The following DMD variants were observed in gnomAD, a reference collection of about 807,000 sequenced individuals.
DMD encodes mutant dystrophin.
Under a neutral mutation model 330.1 loss-of-function variants are expected in DMD, and 63 were observed. The ratio of observed to expected loss-of-function variants is 0.19; its 90% CI spans 0.16 to 0.24. The LOEUF (loss-of-function observed/expected upper bound fraction) is 0.24, where lower values mean the gene tolerates loss of function less well. DMD is among the 10% of genes least tolerant of loss of function. DMD has a pLI of 1.00. For synonymous variants in DMD, 1,223 were observed against 959.8 expected, an observed-to-expected ratio of 1.27 and a Z score of -5.07; for missense variants, 3,344 against 2,684.1, an observed-to-expected ratio of 1.25 and a Z score of -5.43.
intron 1 of DMD, among the ~76,000 whole-genome samples, chrX:33,167,588 G>A (rs1337631889): frequency 9.0e-6 from 1 of 110,823 alleles, no homozygotes; most frequent in Non-Finnish European, 1.9e-5. Context: ...AGAAGAACAA[G>A]TATATAATGA....
At chrX:31,479,345 C>T (rs1343045655) in intron 57 of DMD, among the ~76,000 whole-genome samples, 2 of 111,746 alleles carry the variant, frequency 1.8e-5, no homozygotes, top group African/African-American at 6.5e-5. Context: ...ATAGTTAATG[C>T]CCTCTCATTG....
chrX:32,361,813 T>C (rs915850656), intron 37 of DMD, among the ~76,000 whole-genome samples: 6 of 111,577 alleles, frequency 5.4e-5, no homozygotes, highest in Middle Eastern at 4.7e-3. Context: ...TTCTCATAAA[T>C]ACTCCAATGT....
chrX:32,282,560 G>A (rs1264514245), intron 43 of DMD, among the ~76,000 whole-genome samples: 1 of 112,049 alleles, frequency 8.9e-6, no homozygotes, highest in Non-Finnish European at 1.9e-5. Flanking sequence ...CTTTGATGAT[G>A]TGTAACTTGT....
At chrX:32,613,643 T>G (rs1340297490) in intron 12 of DMD, among the ~76,000 whole-genome samples, 1 of 110,867 alleles carries the variant, frequency 9.0e-6, no homozygotes. Flanking sequence ...AATCGTAGCC[T>G]TATTATTTAA....
intron 51 of DMD, among the ~76,000 whole-genome samples, chrX:31,749,477 C>T (rs1221098244): frequency 9.5e-6 from 1 of 105,625 alleles, no homozygotes; most frequent in African/African-American, 3.4e-5. Flanking sequence ...ATGAACTCAT[C>T]CTTTTTTATG....
At chrX:31,139,297 C>G (rs911306858) in intron 76 of DMD, among the ~76,000 whole-genome samples, 2 of 111,445 alleles carry the variant, frequency 1.8e-5, no homozygotes, top group Non-Finnish European at 3.8e-5. Flanking sequence ...ACCATTTGAT[C>G]CAGCAGTCCC....
At chrX:33,048,740 C>G (rs1321365184) in intron 1 of DMD, among the ~76,000 whole-genome samples, 1 of 85,420 alleles carries the variant, frequency 1.2e-5, no homozygotes, top group Non-Finnish European at 2.3e-5. Context: ...GAAAGGAAAA[C>G]TTGAAAAATG....
intron 2 of DMD, among the ~76,000 whole-genome samples, chrX:32,986,443 T>C (rs2092846805): frequency 8.9e-6 from 1 of 112,233 alleles, no homozygotes; most frequent in African/African-American, 3.2e-5. Flanking sequence ...AAAAAAATTA[T>C]GTCATCATTT....
intron 4 of DMD, among the ~76,000 whole-genome samples, chrX:32,839,709 T>C (rs1055869455): frequency 2.0e-5 from 2 of 99,879 alleles, no homozygotes; most frequent in African/African-American, 7.7e-5. Context: ...TATGACAAAA[T>C]GGAGAATTAT....
chrX:31,252,622 T>C (rs1320295847), intron 63 of DMD, among the ~76,000 whole-genome samples: 1 of 112,428 alleles, frequency 8.9e-6, no homozygotes, highest in Non-Finnish European at 1.9e-5. Context: ...CCAGGTCATA[T>C]GCCACCTACT....
intron 56 of DMD, among the ~76,000 whole-genome samples, 189 bp downstream of exon 56, chrX:31,507,092 T>C (rs2071026436): frequency 8.9e-6 from 1 of 111,848 alleles, no homozygotes; most frequent in African/African-American, 3.3e-5. Context: ...TTTAATCTAA[T>C]CTGAATCCTC....
chrX:32,650,033 T>C (rs1000635702), intron 9 of DMD, among the ~76,000 whole-genome samples: 4 of 111,174 alleles, frequency 3.6e-5, no homozygotes, highest in African/African-American at 3.3e-5. Flanking sequence ...AACAGGTGAA[T>C]GAGCTCTGTG....
intron 48 of DMD, among the ~76,000 whole-genome samples, chrX:31,874,969 T>C (rs2093946108): frequency 9.0e-6 from 1 of 111,348 alleles, no homozygotes; most frequent in Non-Finnish European, 1.9e-5. Flanking sequence ...TCCACTGTGC[T>C]GTATTTAGAG....
intron 60 of DMD, among the ~76,000 whole-genome samples, chrX:31,374,771 A>G (rs948885048): frequency 9.2e-6 from 1 of 108,553 alleles, no homozygotes; most frequent in Non-Finnish European, 1.9e-5. Flanking sequence ...ATGTATACAC[A>G]TGTAACTAAC....
intron 37 of DMD, among the ~76,000 whole-genome samples, chrX:32,355,389 G>A (rs1179252906): frequency 9.1e-6 from 1 of 110,313 alleles, no homozygotes; most frequent in Non-Finnish European, 1.9e-5. Flanking sequence ...GAAAGTCTCT[G>A]GTCCAAAGCA....
At chrX:32,123,202 C>CATATATATATAT (rs59017074) in intron 44 of DMD, among the ~76,000 whole-genome samples, 453 of 32,537 alleles carry the variant, frequency 0.014, 19 homozygotes, top group Non-Finnish European at 0.016. Context: ...TGTGAGCATG[C>CATATATATATAT]ATATATATAT....
intron 1 of DMD, among the ~76,000 whole-genome samples, chrX:33,072,681 A>C (rs2094777831): frequency 9.0e-6 from 1 of 111,667 alleles, no homozygotes; most frequent in East Asian, 2.8e-4. Context: ...TCAGTGAGGT[A>C]ACCAGCCAGG....
chrX:32,618,405 G>A (rs1056623331), intron 11 of DMD, among the ~76,000 whole-genome samples: 4 of 111,531 alleles, frequency 3.6e-5, no homozygotes, highest in Admixed American at 1.9e-4. Flanking sequence ...GCAAAATAAC[G>A]CAGAAACAGA....
At chrX:32,776,718 G>C (rs2074188310) in intron 7 of DMD, among the ~76,000 whole-genome samples, 2 of 111,619 alleles carry the variant, frequency 1.8e-5, no homozygotes, top group South Asian at 7.7e-4. Context: ...GATGAGACTT[G>C]GGTAGGGGAC....
Sources: allele counts gnomAD v4.1 joint callset (sites outside exome capture counted in the v4.1 genomes callset), GRCh38; gene constraint gnomAD v4.1.1; transcripts MANE v1.5; gene names NCBI Gene and HGNC (gene_info 2026-07-23, HGNC 2026-07-21).